RGL1: variants seen among roughly 807,000 people sequenced by gnomAD.
RGL1 encodes the protein ral guanine nucleotide dissociation stimulator-like 1.
In RGL1, 24 loss-of-function variants were observed where a neutral mutation model predicts 95.2. The observed-to-expected ratio is 0.25, with a 90% CI of 0.18 to 0.35. The LOEUF (loss-of-function observed/expected upper bound fraction) is 0.35, where lower values mean the gene tolerates loss of function less well. Among genes scored for constraint, RGL1 ranks in the 10% least tolerant of loss-of-function variants. The pLI is 1.00. For missense variants in RGL1, 715 were observed against 936.3 expected, an observed-to-expected ratio of 0.76 and a Z score of 3.08; for synonymous variants, 329 against 344.9, an observed-to-expected ratio of 0.95 and a Z score of 0.51.
chr1:183,648,056 A>G, intron 1 of RGL1: 1 of 1,614,216 alleles, frequency 6.2e-7, no homozygotes, highest in South Asian at 1.1e-5. Context: ...TCTGGAGAAG[A>G]ACATCAGTGA....
intron 1 of RGL1, among the ~76,000 whole-genome samples, chr1:183,657,360 T>C (rs1480469017): frequency 6.6e-6 from 1 of 152,250 alleles, no homozygotes; most frequent in Non-Finnish European, 1.5e-5. Flanking sequence ...TACATATGTA[T>C]ACATGTGCCA....
At chr1:183,875,310 A>C (rs568616905) in intron 4 of RGL1, among the ~76,000 whole-genome samples, 1 of 152,218 alleles carries the variant, frequency 6.6e-6, no homozygotes, top group South Asian at 2.1e-4. Context: ...AAAAATTTGT[A>C]TTAAACATTT....
At chr1:183,653,645 G>A (rs916626910) in intron 1 of RGL1, among the ~76,000 whole-genome samples, 3 of 152,208 alleles carry the variant, frequency 2.0e-5, no homozygotes, top group African/African-American at 7.2e-5. Flanking sequence ...AGGGAGCAGA[G>A]AGTTGACTTC....
At chr1:183,688,934 A>C (rs1161548096) in intron 1 of RGL1, among the ~76,000 whole-genome samples, 1 of 152,216 alleles carries the variant, frequency 6.6e-6, no homozygotes, top group Non-Finnish European at 1.5e-5. Flanking sequence ...GCAGACAGAG[A>C]AACTGAAATT....
At chr1:183,762,912 A>T (rs1339633526) in intron 2 of RGL1, among the ~76,000 whole-genome samples, 1 of 152,206 alleles carries the variant, frequency 6.6e-6, no homozygotes, top group East Asian at 1.9e-4. Flanking sequence ...AGGATCATAA[A>T]TCATTCTACT....
chr1:183,803,905 G>GT (rs1661129801), upstream of RGL1, among the ~76,000 whole-genome samples: 1 of 152,160 alleles, frequency 6.6e-6, no homozygotes, highest in Non-Finnish European at 1.5e-5. Context: ...TCGTTCGTTT[G>GT]TTTTTTAAAT....
At chr1:183,767,337 A>C (rs753975610) in intron 2 of RGL1, among the ~76,000 whole-genome samples, 62 of 152,168 alleles carry the variant, frequency 4.1e-4, no homozygotes, top group Non-Finnish European at 7.6e-4. Flanking sequence ...GAAAATTAAA[A>C]GCAAAAACAG....
chr1:183,782,096 T>C (rs1444485518), intron 2 of RGL1, among the ~76,000 whole-genome samples: 2 of 152,168 alleles, frequency 1.3e-5, no homozygotes, highest in African/African-American at 4.8e-5. Context: ...ACCTTACAAG[T>C]TAATGTTCAC....
chr1:183,763,581 C>A (rs1474346853), intron 2 of RGL1, among the ~76,000 whole-genome samples: 1 of 152,150 alleles, frequency 6.6e-6, no homozygotes, highest in African/African-American at 2.4e-5. Flanking sequence ...GAGAACCTAA[C>A]AAGTACTTAT....
chr1:183,646,701 A>T (rs139720952), intron 1 of RGL1: 2 of 152,344 alleles, frequency 1.3e-5, no homozygotes, highest in East Asian at 3.9e-4. Flanking sequence ...CTGCATTAGA[A>T]AGGGGAATGG....
chr1:183,787,964 G>T (rs1300514306), intron 2 of RGL1, among the ~76,000 whole-genome samples: 6 of 152,230 alleles, frequency 3.9e-5, no homozygotes, highest in African/African-American at 1.4e-4. Context: ...TGCTGGTGGT[G>T]CATCTGCAGA....
At position 183,927,278 on chromosome 1, in the gene RGL1, T is replaced by C. The variant is rs1669669233; in HGVS notation, c.*986T>C. 6.6e-6 allele frequency: 1 copy of C among 152,600 alleles called. No homozygotes were observed. The highest frequency in any genetic ancestry group is 6.5e-5 in the Admixed American group (1 of 15,276). The allele number at this position is 152,600 out of a possible 1,614,324, so 9.5% of individuals were successfully genotyped here. A position where few individuals can be genotyped will look rare whatever the true frequency, so the allele number is the denominator to read the frequency against. The stretch of plus-strand genomic sequence containing the variant: ...CTGGAGTCTTTTGCCATCTGGATCT[T>C]AGTACCTCTTTATTATGTGCAATTT... On this transcript the variant is annotated 3_prime_UTR_variant, in exon 18 of 18. Transcript: ENST00000360851.
At chr1:183,690,076 A>G (rs1485067079) in intron 1 of RGL1, among the ~76,000 whole-genome samples, 1 of 152,178 alleles carries the variant, frequency 6.6e-6, no homozygotes, top group African/African-American at 2.4e-5. Flanking sequence ...AGGAGCCACA[A>G]GTTAATTTGG....
chr1:183,832,037 G>T (rs1663292235), intron 2 of RGL1, among the ~76,000 whole-genome samples: 1 of 152,174 alleles, frequency 6.6e-6, no homozygotes, highest in Non-Finnish European at 1.5e-5. Context: ...TATTATAAAA[G>T]CAGGATTTGT....
rs1009391207 is a variant in RGL1, at chr1:183,866,763, C to T, written c.425+690C>T. 2.6e-5 allele frequency among the ~76,000 whole-genome samples: 4 copies of T among 152,206 alleles called. 1 individual carries two copies. Among genetic ancestry groups the T allele is most frequent in the African/African-American group, 9.6e-5 (4 of 41,454 alleles). On this transcript the variant is annotated intron_variant, in intron 4 of 17. Transcript: ENST00000360851. ...GGCCTGACACATCTTAAAAGACCCG[C>T]TCTGGCTCTGTGTCCGGAAAGTAGC...
At chr1:183,750,451 G>A (rs998706651) in intron 2 of RGL1, among the ~76,000 whole-genome samples, 2 of 152,118 alleles carry the variant, frequency 1.3e-5, no homozygotes, top group Admixed American at 1.3e-4. Context: ...ATTCTAGTTA[G>A]CAGTTCCTGT....
At chr1:183,667,802 C>T (rs1652145704) in intron 1 of RGL1, among the ~76,000 whole-genome samples, 1 of 152,094 alleles carries the variant, frequency 6.6e-6, no homozygotes. Flanking sequence ...CCTTTCTTAG[C>T]ACATCAGTTC....
intron 15 of RGL1, among the ~76,000 whole-genome samples, chr1:183,915,518 A>G (rs1180032763): frequency 6.6e-6 from 1 of 152,252 alleles, no homozygotes; most frequent in Admixed American, 6.5e-5. Flanking sequence ...GATACACATC[A>G]TGAAAATGTA....
chr1:183,731,762 C>T (rs979295340), intron 1 of RGL1, among the ~76,000 whole-genome samples: 12 of 152,204 alleles, frequency 7.9e-5, no homozygotes, highest in Non-Finnish European at 1.5e-4. Flanking sequence ...GGAATTAATA[C>T]TTACCTCAAA....
Sources: allele counts gnomAD v4.1 joint callset (sites outside exome capture counted in the v4.1 genomes callset), GRCh38; gene constraint gnomAD v4.1.1; transcripts MANE v1.5; gene names NCBI Gene and HGNC (gene_info 2026-07-23, HGNC 2026-07-21).